Variants in MARCHF4 observed in about 807,000 individuals in gnomAD.
MARCHF4 encodes the protein E3 ubiquitin-protein ligase MARCHF4.
A neutral mutation model predicts 43.9 loss-of-function variants in MARCHF4; 14 were observed. That is an observed-to-expected ratio of 0.32 (90% confidence interval 0.21 to 0.50). The LOEUF (loss-of-function observed/expected upper bound fraction) is 0.50, where lower values mean the gene tolerates loss of function less well. Ranked by LOEUF, MARCHF4 falls within the 20% of genes least tolerant of loss-of-function variation. The pLI is 0.98. For synonymous variants in MARCHF4, 226 were observed against 213.3 expected (o/e 1.06, Z -0.52); for missense variants, 468 against 536.7 (o/e 0.87, Z 1.27).
chr2:216,306,326 T>A (rs1437041776), intron 1 of MARCHF4, among the ~76,000 whole-genome samples: 1 of 152,220 alleles, frequency 6.6e-6, no homozygotes, highest in African/African-American at 2.4e-5. Flanking sequence ...TCAGGATAAA[T>A]CATTTTATAA....
At chr2:216,366,193 T>G (rs1177005181) in intron 1 of MARCHF4, among the ~76,000 whole-genome samples, 1 of 152,258 alleles carries the variant, frequency 6.6e-6, no homozygotes, top group Non-Finnish European at 1.5e-5. Flanking sequence ...CTATTATTAT[T>G]ATTCCATCTT....
chr2:216,354,135 G>A (rs572490938), intron 1 of MARCHF4, among the ~76,000 whole-genome samples: 2 of 152,164 alleles, frequency 1.3e-5, no homozygotes, highest in African/African-American at 4.8e-5. Flanking sequence ...GGGCTTAAGA[G>A]GACTAGTTGC....
At chr2:216,288,320 G>A (rs2160980) in intron 1 of MARCHF4, among the ~76,000 whole-genome samples, 56,662 of 152,184 alleles carry the variant, frequency 0.37, 11,875 homozygotes, top group East Asian at 0.56. Flanking sequence ...CATGGCACAA[G>A]TAAGTCCTCC....
At chr2:216,284,272 T>C (rs2080751) in intron 1 of MARCHF4, among the ~76,000 whole-genome samples, 82,000 of 151,874 alleles carry the variant, frequency 0.54, 22,194 homozygotes, top group South Asian at 0.65. Context: ...GTCCCTCCAG[T>C]CACCCTTGGG....
chr2:216,281,057 A>C (rs909998088), intron 2 of MARCHF4, among the ~76,000 whole-genome samples: 3 of 113,886 alleles, frequency 2.6e-5, no homozygotes, highest in Admixed American at 1.0e-4. Flanking sequence ...ATTTCTCACA[A>C]CTTTTTTTTT....
rs1207635867 is a variant in MARCHF4 at position 216,267,226 on chromosome 2, C to T, written c.866-7547G>A. ...TCTAGCTTTTTGCACCAAGGTGAGA[C>T]CAGGTGACTAGTACTGAATGTGACC... is the stretch of plus-strand genomic sequence containing the variant. On this transcript the variant is annotated intron_variant, in intron 3 of 3. Transcript: ENST00000273067. 1.3e-5 allele frequency among the ~76,000 whole-genome samples: 2 copies of T among 152,070 alleles called. 1 individual carries two copies. Among genetic ancestry groups the T allele is most frequent in the Admixed American group, 1.3e-4 (2 of 15,258 alleles).
At chr2:216,333,440 G>A (rs1692111074) in intron 1 of MARCHF4, among the ~76,000 whole-genome samples, 2 of 152,180 alleles carry the variant, frequency 1.3e-5, no homozygotes, top group South Asian at 4.1e-4. Context: ...AAAATGAGAT[G>A]TCATATGACC....
intron 1 of MARCHF4, among the ~76,000 whole-genome samples, chr2:216,289,845 T>C (rs1458301371): frequency 6.6e-6 from 1 of 152,216 alleles, no homozygotes; most frequent in Non-Finnish European, 1.5e-5. Flanking sequence ...GGGTGCAGTT[T>C]AGGGGCATAA....
chr2:216,367,449 G>GAA (rs111286697), intron 1 of MARCHF4, among the ~76,000 whole-genome samples: 2,391 of 148,734 alleles, frequency 0.016, 97 homozygotes, highest in East Asian at 0.14. Context: ...GAAATGCTGT[G>GAA]AAAAAAAAAA....
At position 216,370,605 on chromosome 2, in the gene MARCHF4, C is replaced by T. The variant is rs1029677973; in HGVS notation, c.-345G>A. The T allele has an allele frequency of 4.3e-6, 1 of 234,538 alleles. No individual in the cohort carries two copies. Among genetic ancestry groups the T allele is most frequent in the African/African-American group, 2.3e-5 (1 of 44,356 alleles). 14.5% of individuals were successfully genotyped at this position (234,538 alleles called of 1,614,324 possible). A position where few individuals can be genotyped will look rare whatever the true frequency, so the allele number is the denominator to read the frequency against. On this transcript the variant is annotated 5_prime_UTR_variant, in exon 1 of 4. In the 5' UTR this introduces an upstream ATG that the reference lacks. Coordinates refer to ENST00000273067, the MANE Select transcript of MARCHF4 (RefSeq NM_020814.3). The stretch of plus-strand genomic sequence containing the variant: ...TTGAAGAAGCGTGGTGGAGGGGCCA[C>T]TAGAGCCTCTGTCGAATTGTTTAAA...
intron 1 of MARCHF4, among the ~76,000 whole-genome samples, chr2:216,352,550 T>G (rs909612476): frequency 2.0e-5 from 3 of 152,030 alleles, no homozygotes; most frequent in African/African-American, 7.3e-5. Context: ...AGAGACAGGG[T>G]CCCACTATGT....
intron 1 of MARCHF4, among the ~76,000 whole-genome samples, chr2:216,368,440 A>T (rs772106947): frequency 2.6e-5 from 4 of 152,234 alleles, no homozygotes; most frequent in African/African-American, 9.6e-5. Context: ...CCAGCCTCTC[A>T]GAGACATTTA....
intron 3 of MARCHF4, among the ~76,000 whole-genome samples, chr2:216,274,343 G>A (rs1690988524): frequency 6.6e-6 from 1 of 152,130 alleles, no homozygotes; most frequent in Non-Finnish European, 1.5e-5. Flanking sequence ...AATGCCAAAT[G>A]TGCTCTCTGG....
chr2:216,261,101 T>G (rs1341824850), intron 3 of MARCHF4, among the ~76,000 whole-genome samples: 1 of 152,180 alleles, frequency 6.6e-6, no homozygotes, highest in Admixed American at 6.5e-5. Context: ...GTGGCTGCGG[T>G]GACCGGATTC....
chr2:216,350,038 A>G (rs866424953), intron 1 of MARCHF4, among the ~76,000 whole-genome samples: 1 of 151,258 alleles, frequency 6.6e-6, no homozygotes, highest in Non-Finnish European at 1.5e-5. Flanking sequence ...GATTTCTTTC[A>G]CCTGCCACAC....
At chr2:216,354,488 G>A (rs975237806) in intron 1 of MARCHF4, among the ~76,000 whole-genome samples, 3 of 152,172 alleles carry the variant, frequency 2.0e-5, no homozygotes, top group South Asian at 4.2e-4. Context: ...CCTGGTCCAC[G>A]GCACTCATTA....
rs572664553 is a variant in MARCHF4, at chr2:216,354,324, A to G, written c.516+15421T>C. On this transcript the variant is annotated intron_variant, in intron 1 of 3. Transcript: ENST00000273067. ...CTCTTATTGCCATATTTTGGCATACATTTCCACATGGAGAATTCTCTTAAC... is the reference window on the plus strand; with the variant it reads ...CTCTTATTGCCATATTTTGGCATACGTTTCCACATGGAGAATTCTCTTAAC... Among the ~76,000 whole-genome samples the G allele has an allele frequency of 4.6e-5, 7 of 152,282 alleles. No homozygotes were observed. In the South Asian group the frequency reaches 1.5e-3, roughly 32 times the overall value.
intron 1 of MARCHF4, among the ~76,000 whole-genome samples, chr2:216,286,900 C>T (rs149090589): frequency 5.9e-5 from 9 of 152,334 alleles, no homozygotes; most frequent in African/African-American, 1.9e-4. Flanking sequence ...TTAAAAGCTA[C>T]ATGGACACTG....
intron 1 of MARCHF4, among the ~76,000 whole-genome samples, chr2:216,302,907 A>G (rs1691514610): frequency 1.2e-5 from 1 of 84,270 alleles, no homozygotes; most frequent in African/African-American, 2.8e-5. Context: ...CAAAAAAAAA[A>G]AAAAAAAAAA....
Sources: allele counts gnomAD v4.1 joint callset (sites outside exome capture counted in the v4.1 genomes callset), GRCh38; gene constraint gnomAD v4.1.1; transcripts MANE v1.5; gene names NCBI Gene and HGNC (gene_info 2026-07-23, HGNC 2026-07-21).